Variants in NCAM1 observed in about 807,000 individuals in gnomAD.
NCAM1 encodes the protein neural cell adhesion molecule 1, also known as antigen recognized by monoclonal antibody 5.1H11.
Under a neutral mutation model 109.8 loss-of-function variants are expected in NCAM1, and 14 were observed. That is an observed-to-expected ratio of 0.13 (90% CI 0.08 to 0.20). The LOEUF (loss-of-function observed/expected upper bound fraction) is 0.20. NCAM1 is among the 10% of genes least tolerant of loss of function. The pLI is 1.00. For missense variants in NCAM1, 774 were observed against 1,109.9 expected (o/e 0.70, Z 4.30); for synonymous variants, 418 against 442.9 (o/e 0.94, Z 0.70).
rs569654479 is a variant in NCAM1, at chr11:113,064,512, A to G, written c.52+102848A>G. Among the ~76,000 whole-genome samples, 191 of 151,922 alleles carry G rather than the reference A, an allele frequency of 1.3e-3. 6 individuals are homozygous for G. Among genetic ancestry groups the G allele is most frequent in the Admixed American group, 0.012 (188 of 15,234 alleles). On this transcript the variant is annotated intron_variant, in intron 1 of 19. Transcript: ENST00000316851. ...TCTTGAAATTATTTTTCCTTAAACT[A>G]TATTTTTTTTATTATTTATTAAATG...
chr11:113,006,193 A>G (rs1951890749), intron 1 of NCAM1, among the ~76,000 whole-genome samples: 1 of 152,214 alleles, frequency 6.6e-6, no homozygotes, highest in Non-Finnish European at 1.5e-5. Flanking sequence ...ATTTTCACGC[A>G]CAAGAGTCAT....
chr11:113,135,519 G>C (rs1555099233), intron 1 of NCAM1, among the ~76,000 whole-genome samples: 1 of 152,166 alleles, frequency 6.6e-6, no homozygotes, highest in Non-Finnish European at 1.5e-5. Flanking sequence ...CAGCTGGGTG[G>C]TGTATTCCCT....
chr11:113,127,592 T>C (rs1353571328), intron 1 of NCAM1, among the ~76,000 whole-genome samples: 2 of 152,166 alleles, frequency 1.3e-5, no homozygotes, highest in Non-Finnish European at 2.9e-5. Context: ...GCAAAATTGG[T>C]GATGGTTAAG....
intron 17 of NCAM1, among the ~76,000 whole-genome samples, chr11:113,260,746 C>T (rs538818300): frequency 6.6e-6 from 1 of 152,196 alleles, no homozygotes; most frequent in Non-Finnish European, 1.5e-5. Context: ...TTTATGAGCA[C>T]AGCCATGGTC....
intron 1 of NCAM1, among the ~76,000 whole-genome samples, chr11:113,115,307 G>A (rs1360186497): frequency 6.6e-6 from 1 of 152,092 alleles, no homozygotes; most frequent in Non-Finnish European, 1.5e-5. Context: ...TATTACTAAT[G>A]GAAAGACAAA....
intron 14 of NCAM1, among the ~76,000 whole-genome samples, chr11:113,242,467 A>C (rs1555119307): frequency 6.6e-6 from 1 of 152,084 alleles, no homozygotes; most frequent in African/African-American, 2.4e-5. Context: ...AAAATTAGCC[A>C]GGCGTGGTGG....
At chr11:113,083,590 G>A (rs993735775) in intron 1 of NCAM1, among the ~76,000 whole-genome samples, 7 of 152,174 alleles carry the variant, frequency 4.6e-5, no homozygotes, top group Non-Finnish European at 1.0e-4. Context: ...GTAAGTAGTC[G>A]TTTTTGTCAT....
intron 1 of NCAM1, among the ~76,000 whole-genome samples, chr11:112,985,624 C>A (rs1555069489): frequency 6.6e-6 from 1 of 151,604 alleles, no homozygotes; most frequent in Non-Finnish European, 1.5e-5. Flanking sequence ...AGATTTTTAC[C>A]TCTTTAGTTA....
At chr11:113,074,544 G>A (rs1196946824) in intron 1 of NCAM1, among the ~76,000 whole-genome samples, 2 of 152,190 alleles carry the variant, frequency 1.3e-5, no homozygotes, top group Admixed American at 6.5e-5. Flanking sequence ...TATTTATGCT[G>A]CCAATATGGT....
intron 1 of NCAM1, among the ~76,000 whole-genome samples, chr11:113,177,817 GGACTGTCTCTCCCAGCACTCC>G (rs1242418212): frequency 3.2e-4 from 48 of 151,994 alleles, no homozygotes; most frequent in Non-Finnish European, 5.9e-5. Flanking sequence ...CGCTGAGGTG[GGACTGTCTCTCCCAGCACTCC>G]GTTTCTGCTT....
intron 18 of NCAM1, 142 bp from the exon 19 acceptor site, chr11:113,271,618 G>A: frequency 1.8e-6 from 1 of 569,866 alleles, no homozygotes. Flanking sequence ...AGCTAGCAAG[G>A]GTTGGGCTGA....
At chr11:113,001,928 A>G (rs535087833) in intron 1 of NCAM1, among the ~76,000 whole-genome samples, 9 of 152,244 alleles carry the variant, frequency 5.9e-5, no homozygotes, top group African/African-American at 2.2e-4. Context: ...CGTTGGCTTC[A>G]TTCCCAGGCA....
At position 113,086,800 on chromosome 11, in the gene NCAM1, T is replaced by C. The variant is rs782756107; in HGVS notation, c.53-115579T>C. The stretch of plus-strand genomic sequence containing the variant: ...TTCCAGCTTCTGGCAGAGTCTTTAT[T>C]TGGCAACTTAAAAAAAAATAATACT... On this transcript the variant is annotated intron_variant, in intron 1 of 19. Coordinates refer to ENST00000316851, the MANE Select transcript of NCAM1 (RefSeq NM_181351.5). Among the ~76,000 whole-genome samples, 61 of 152,260 alleles carry C rather than the reference T, an allele frequency of 4.0e-4. 1 individual carries two copies. Among genetic ancestry groups the C allele is most frequent in the Admixed American group, 1.7e-3 (26 of 15,296 alleles).
intron 14 of NCAM1, chr11:113,242,728 A>C: frequency 4.3e-5 from 52 of 1,213,796 alleles, no homozygotes; most frequent in Non-Finnish European, 5.5e-5. Flanking sequence ...ATGTATACAT[A>C]TATAGCTATG....
intron 1 of NCAM1, among the ~76,000 whole-genome samples, chr11:112,983,976 A>G (rs557421415): frequency 2.0e-5 from 3 of 151,892 alleles, no homozygotes; most frequent in Admixed American, 1.3e-4. Flanking sequence ...CCTGGTGATC[A>G]TGTGGTGCTT....
chr11:113,044,354 G>GAC (rs139552430), intron 1 of NCAM1, among the ~76,000 whole-genome samples: 9,723 of 151,482 alleles, frequency 0.064, 631 homozygotes, highest in Admixed American at 0.17. Context: ...TTCTGTGTGT[G>GAC]ACACACACAC....
chr11:113,038,926 GT>G (rs1397476925), intron 1 of NCAM1, among the ~76,000 whole-genome samples: 1 of 152,124 alleles, frequency 6.6e-6, no homozygotes, highest in Non-Finnish European at 1.5e-5. Flanking sequence ...GTGTATTATA[GT>G]TCACAAATAC....
At chr11:113,256,091 G>A in intron 16 of NCAM1, 90 bp downstream of exon 16, 6 of 1,476,706 alleles carry the variant, frequency 4.1e-6, no homozygotes, top group South Asian at 1.3e-5. Flanking sequence ...CCACGGGGCA[G>A]GGGTGGGATG....
intron 1 of NCAM1, among the ~76,000 whole-genome samples, chr11:113,090,602 G>T (rs1386746980): frequency 1.3e-5 from 2 of 152,120 alleles, no homozygotes; most frequent in African/African-American, 4.8e-5. Context: ...GGGAAAGTCA[G>T]GTCTGCATGT....
Sources: gnomAD v4.1 joint callset for allele counts (sites outside exome capture counted in the v4.1 genomes callset) on GRCh38, gnomAD v4.1.1 for gene constraint, MANE v1.5 for transcripts, NCBI Gene and HGNC (gene_info 2026-07-23, HGNC 2026-07-21) for gene names.